DLGAP1: variants seen among roughly 807,000 people sequenced by gnomAD.
The protein encoded by DLGAP1 is disks large-associated protein 1.
In DLGAP1, 11 loss-of-function variants were observed where a neutral mutation model predicts 90.8. The observed-to-expected ratio is 0.12, with a 90% CI of 0.08 to 0.20. The LOEUF (loss-of-function observed/expected upper bound fraction) is 0.20. Ranked by LOEUF, DLGAP1 falls within the 10% of genes least tolerant of loss-of-function variation. The probability of loss-of-function intolerance (pLI) is 1.00; values close to 1 mark genes in which losing one functional copy is unlikely to be tolerated. For synonymous variants in DLGAP1, 558 were observed against 540.7 expected (o/e 1.03, Z -0.44); for missense variants, 1,050 against 1,333.8 (o/e 0.79, Z 3.31).
intron 7 of DLGAP1, among the ~76,000 whole-genome samples, chr18:3,681,796 T>C (rs2060522533): frequency 6.6e-6 from 1 of 152,136 alleles, no homozygotes; most frequent in Admixed American, 6.5e-5. Flanking sequence ...GATATTGTCC[T>C]CATGATAGTG....
intron 3 of DLGAP1, among the ~76,000 whole-genome samples, chr18:3,912,561 G>A (rs998856643): frequency 1.3e-5 from 2 of 152,188 alleles, no homozygotes; most frequent in South Asian, 2.1e-4. Flanking sequence ...TAAACAGAAC[G>A]AACATGTTAG....
chr18:3,600,234 A>C (rs1599456115), intron 7 of DLGAP1, among the ~76,000 whole-genome samples: 1 of 152,120 alleles, frequency 6.6e-6, no homozygotes, highest in South Asian at 2.1e-4. Context: ...CACTGTACTC[A>C]GAAACATTCT....
intron 7 of DLGAP1, among the ~76,000 whole-genome samples, chr18:3,616,173 C>T (rs148058838): frequency 9.8e-5 from 15 of 152,316 alleles, no homozygotes; most frequent in Admixed American, 5.9e-4. Flanking sequence ...AACCAGCCCT[C>T]GGGAGACTGC....
intron 7 of DLGAP1, among the ~76,000 whole-genome samples, chr18:3,643,371 A>G (rs1259513935): frequency 6.6e-6 from 1 of 152,188 alleles, no homozygotes; most frequent in African/African-American, 2.4e-5. Flanking sequence ...CATCTAAAAA[A>G]TGCTGAAGGA....
intron 1 of DLGAP1, among the ~76,000 whole-genome samples, chr18:4,152,857 CAG>C: frequency 6.6e-6 from 1 of 152,128 alleles, no homozygotes; most frequent in Admixed American, 6.6e-5. Context: ...TCCATTAAAC[CAG>C]ACAAGCTCTG....
chr18:4,306,787 T>C (rs1367365430), intron 1 of DLGAP1, among the ~76,000 whole-genome samples: 1 of 152,154 alleles, frequency 6.6e-6, no homozygotes, highest in Non-Finnish European at 1.5e-5. Context: ...AACCTAGGAC[T>C]CGAGTTATCT....
chr18:3,539,852 A>T (rs1030128201), intron 9 of DLGAP1, among the ~76,000 whole-genome samples: 1 of 152,102 alleles, frequency 6.6e-6, no homozygotes. Flanking sequence ...TCCATCATAG[A>T]ATCCCCTGGC....
intron 7 of DLGAP1, among the ~76,000 whole-genome samples, chr18:3,623,560 G>A (rs1237342589): frequency 1.3e-5 from 2 of 152,028 alleles, no homozygotes; most frequent in Admixed American, 6.6e-5. Context: ...GGCTGAGGCG[G>A]GCGGATCACC....
chr18:3,749,400 G>C (rs896966049), intron 5 of DLGAP1, among the ~76,000 whole-genome samples: 1 of 151,944 alleles, frequency 6.6e-6, no homozygotes, highest in Non-Finnish European at 1.5e-5. Context: ...TGATCTGCCT[G>C]CCTTGGCCTC....
chr18:4,246,247 A>C lies in DLGAP1; in HGVS notation c.-266-94960T>G, dbSNP rs533672677. Among the ~76,000 whole-genome samples, 3 of 152,194 alleles carry C rather than the reference A, an allele frequency of 2.0e-5. No homozygotes were observed. In the South Asian group the frequency reaches 6.2e-4, roughly 32 times the overall value. ...AGATGCTGAGGAAATTTTCTAACTGATATTTTTCACTTCCTGATTTGATAA... is the reference window on the plus strand; with the variant it reads ...AGATGCTGAGGAAATTTTCTAACTGCTATTTTTCACTTCCTGATTTGATAA... On this transcript the variant is annotated intron_variant, in intron 1 of 12. Coordinates refer to ENST00000315677, the MANE Select transcript of DLGAP1 (RefSeq NM_004746.4).
chr18:4,215,980 T>C (rs143367467), intron 1 of DLGAP1, among the ~76,000 whole-genome samples: 13 of 152,214 alleles, frequency 8.5e-5, no homozygotes, highest in African/African-American at 2.9e-4. Context: ...CAAAAATGTA[T>C]TGCATCCTTT....
chr18:3,627,722 G>A (rs948568174), intron 7 of DLGAP1, among the ~76,000 whole-genome samples: 1 of 151,972 alleles, frequency 6.6e-6, no homozygotes, highest in African/African-American at 2.4e-5. Flanking sequence ...GTGCAGTGAT[G>A]TAATCACATC....
At chr18:3,561,390 CCTGCCACTATA>C in intron 9 of DLGAP1, among the ~76,000 whole-genome samples, 1 of 138,762 alleles carries the variant, frequency 7.2e-6, no homozygotes, top group Admixed American at 7.4e-5. Context: ...GAGCCAAGAT[CCTGCCACTATA>C]CTCCTTCCTG....
At chr18:4,115,460 T>C (rs185379414) in intron 2 of DLGAP1, among the ~76,000 whole-genome samples, 1 of 148,192 alleles carries the variant, frequency 6.7e-6, no homozygotes, top group African/African-American at 2.5e-5. Context: ...TGAACTACCA[T>C]CTAGTGTCAT....
intron 2 of DLGAP1, among the ~76,000 whole-genome samples, chr18:4,049,409 A>G (rs2075100858): frequency 6.6e-6 from 1 of 151,888 alleles, no homozygotes; most frequent in Admixed American, 6.6e-5. Context: ...TCCTCCTCCC[A>G]TGCAGCCGAG....
chr18:4,288,747 G>A (rs1030786837), intron 1 of DLGAP1, among the ~76,000 whole-genome samples: 12 of 152,102 alleles, frequency 7.9e-5, no homozygotes, highest in Admixed American at 7.2e-4. Flanking sequence ...AAATCAATCC[G>A]CTTGCTGCTC....
intron 3 of DLGAP1, among the ~76,000 whole-genome samples, chr18:3,915,608 T>A (rs994828616): frequency 1.3e-5 from 2 of 152,166 alleles, no homozygotes. Context: ...GGTTTTAAGA[T>A]CAATTAAATC....
intron 3 of DLGAP1, among the ~76,000 whole-genome samples, chr18:3,886,391 A>T (rs1304011500): frequency 6.6e-6 from 1 of 152,232 alleles, no homozygotes; most frequent in East Asian, 1.9e-4. Context: ...AATATCCATC[A>T]CGTCAAATAT....
intron 9 of DLGAP1, among the ~76,000 whole-genome samples, chr18:3,544,098 G>C (rs1350743682): frequency 6.6e-6 from 1 of 152,168 alleles, no homozygotes; most frequent in African/African-American, 2.4e-5. Context: ...ATACACAGAA[G>C]CTGAAAGTAG....
Sources: allele counts gnomAD v4.1 joint callset (sites outside exome capture counted in the v4.1 genomes callset), GRCh38; gene constraint gnomAD v4.1.1; transcripts MANE v1.5; gene names NCBI Gene and HGNC (gene_info 2026-07-23, HGNC 2026-07-21).